The following SLC24A4 variants were observed in gnomAD, a reference collection of about 807,000 sequenced individuals.
The protein encoded by SLC24A4 is solute carrier family 24 member 4, also known as sodium/potassium/calcium exchanger 4.
Under a neutral mutation model 79.0 loss-of-function variants are expected in SLC24A4, and 53 were observed. That is an observed-to-expected ratio of 0.67 (90% CI 0.54 to 0.84). The LOEUF (loss-of-function observed/expected upper bound fraction) is 0.84, where lower values mean the gene tolerates loss of function less well. Ranked by LOEUF, SLC24A4 falls within the 40% of genes least tolerant of loss-of-function variation. SLC24A4 has a pLI of 0.00. For missense variants in SLC24A4, 731 were observed against 822.0 expected (o/e 0.89, Z 1.35); for synonymous variants, 323 against 323.8 (o/e 1.00, Z 0.03).
chr14:92,363,606 C>T (rs4904880), intron 2 of SLC24A4, among the ~76,000 whole-genome samples: 101,194 of 152,092 alleles, frequency 0.67, 36,629 homozygotes, highest in East Asian at 0.94. Flanking sequence ...CTGAGGCAGG[C>T]AGATCCCAAG....
chr14:92,419,264 A>G (rs898006276), intron 2 of SLC24A4, among the ~76,000 whole-genome samples: 2 of 152,174 alleles, frequency 1.3e-5, no homozygotes, highest in Admixed American at 6.5e-5. Flanking sequence ...GCCAGAGGTG[A>G]AGGGAGGTGT....
At position 92,456,554 on chromosome 14, in the gene SLC24A4, C is replaced by G. The variant is rs140679866; in HGVS notation, c.1201C>G (p.Pro401Ala). The change falls in exon 12 of 17, where the codon CCG (proline) becomes GCG (alanine). Residue 401 changes from proline to alanine, a missense_variant. Physicochemically the swap from Pro to Ala is conservative, Grantham distance 27 (BLOSUM62 -1). Transcript: ENST00000532405. ...QEQQPPPQPP[P>A]PEPEPVEADF... ...GCAGCAGCCGCCGCCACAGCCACCACCGCCAGAGCCAGAGCCGGTGGAGGC... is the reference window on the plus strand; with the variant it reads ...GCAGCAGCCGCCGCCACAGCCACCAGCGCCAGAGCCAGAGCCGGTGGAGGC... 1.2e-6 allele frequency: 2 copies of G among 1,612,978 alleles called. No homozygotes were observed. The highest frequency in any genetic ancestry group is 2.7e-5 in the African/African-American group (2 of 74,918).
In SLC24A4 at chr14:92,415,892, C is replaced by T. The variant is rs570533747; in HGVS notation, c.242-18020C>T. 3.3e-5 allele frequency among the ~76,000 whole-genome samples: 5 copies of T among 152,176 alleles called. No individual in the cohort carries two copies. In the East Asian group the frequency reaches 7.7e-4, roughly 23 times the overall value. ...TCACCCAAGCAGTACACACTGAACC[C>T]GATTTGTAACCTTTTATCCCTCACT... On this transcript the variant is annotated intron_variant, in intron 2 of 16. Coordinates refer to ENST00000532405, the MANE Select transcript of SLC24A4 (RefSeq NM_153646.4).
chr14:92,449,696 A>G (rs558913527), intron 10 of SLC24A4, among the ~76,000 whole-genome samples: 320 of 152,298 alleles, frequency 2.1e-3, no homozygotes, highest in Non-Finnish European at 3.3e-3. Flanking sequence ...CGGGCTGGGA[A>G]CTGTTGCCCG....
chr14:92,405,620 C>T (rs1890333495), intron 2 of SLC24A4, among the ~76,000 whole-genome samples: 1 of 152,030 alleles, frequency 6.6e-6, no homozygotes. Context: ...ACAATCATGG[C>T]AGAAGGTGAA....
At chr14:92,408,456 A>T in intron 2 of SLC24A4, 1 of 983,984 alleles carries the variant, frequency 1.0e-6, no homozygotes, top group Non-Finnish European at 1.2e-6. Flanking sequence ...TTACCTTGGA[A>T]GCCTTCATAG....
chr14:92,386,198 G>C (rs1332562880), intron 2 of SLC24A4, among the ~76,000 whole-genome samples: 1 of 151,962 alleles, frequency 6.6e-6, no homozygotes, highest in African/African-American at 2.4e-5. Context: ...CGGTGGGAGG[G>C]GATGCTTTGG....
intron 2 of SLC24A4, among the ~76,000 whole-genome samples, chr14:92,346,316 GC>G (rs1886524155): frequency 6.6e-6 from 1 of 152,162 alleles, no homozygotes; most frequent in African/African-American, 2.4e-5. Context: ...TTGTTTTGGA[GC>G]CTCAGTTTTT....
At chr14:92,361,924 G>A (rs1026210770) in intron 2 of SLC24A4, among the ~76,000 whole-genome samples, 14 of 152,252 alleles carry the variant, frequency 9.2e-5, no homozygotes, top group African/African-American at 2.6e-4. Flanking sequence ...ATCTCAAAGG[G>A]GAGGCAAAGA....
chr14:92,370,733 A>G (rs2141686155), intron 2 of SLC24A4, among the ~76,000 whole-genome samples: 1 of 152,348 alleles, frequency 6.6e-6, no homozygotes, highest in Non-Finnish European at 1.5e-5. Context: ...CTGGCTTTCC[A>G]AGTGACAAGC....
chr14:92,448,381 A>ACACACACACACACACACACACAC (rs1555371204), intron 9 of SLC24A4, among the ~76,000 whole-genome samples: 1 of 31,792 alleles, frequency 3.1e-5, no homozygotes, highest in Admixed American at 3.6e-4. Context: ...CACACACACA[A>ACACACACACACACACACACACAC]ATCCCTACTC....
chr14:92,348,811 A>G (rs1196264780), intron 2 of SLC24A4, among the ~76,000 whole-genome samples: 1 of 152,192 alleles, frequency 6.6e-6, no homozygotes. Flanking sequence ...CCTTCGGTGA[A>G]GGTTTTTTGG....
At chr14:92,436,510 C>T (rs1238051842) in intron 3 of SLC24A4, among the ~76,000 whole-genome samples, 1 of 152,168 alleles carries the variant, frequency 6.6e-6, no homozygotes, top group Non-Finnish European at 1.5e-5. Context: ...TTCACAACAG[C>T]AGAATAGTTG....
chr14:92,480,940 G>T (rs1895033916), intron 12 of SLC24A4, among the ~76,000 whole-genome samples: 1 of 152,078 alleles, frequency 6.6e-6, no homozygotes, highest in African/African-American at 2.4e-5. Context: ...ATTCTTTGTT[G>T]TGTGTGGCCA....
At chr14:92,447,472 G>A in intron 9 of SLC24A4, 48 bp downstream of exon 9, 1 of 1,527,046 alleles carries the variant, frequency 6.5e-7, no homozygotes, top group Non-Finnish European at 9.1e-7. Flanking sequence ...TTGCCCCACT[G>A]CCTGCTACAG....
chr14:92,330,504 C>G (rs1408240939), intron 2 of SLC24A4, among the ~76,000 whole-genome samples: 1 of 152,216 alleles, frequency 6.6e-6, no homozygotes, highest in African/African-American at 2.4e-5. Context: ...GGAAGCAGGT[C>G]TCTCCATGCC....
intron 2 of SLC24A4, among the ~76,000 whole-genome samples, chr14:92,393,704 C>T (rs1889617175): frequency 6.6e-6 from 1 of 151,314 alleles, no homozygotes; most frequent in Non-Finnish European, 1.5e-5. Flanking sequence ...CCATCATGTA[C>T]AGCTAATTAA....
chr14:92,481,345 A>T (rs945071327), intron 12 of SLC24A4, among the ~76,000 whole-genome samples: 1 of 152,186 alleles, frequency 6.6e-6, no homozygotes, highest in African/African-American at 2.4e-5. Context: ...CCCAGCTGTC[A>T]TCTGCCACTT....
rs71461968 is a variant in SLC24A4 at position 92,455,720 on chromosome 14, C to CTT, written c.1051-674_1051-673dup. On this transcript the variant is annotated intron_variant, in intron 11 of 16. Coordinates refer to ENST00000532405, the MANE Select transcript of SLC24A4 (RefSeq NM_153646.4). Reference sequence around the variant, plus strand: ...AATCTGTGCACTTAGTGTAAGTGTACTTTTTTTTTTTAGGACAGAGTCTTG... The same window carrying CTT: ...AATCTGTGCACTTAGTGTAAGTGTACTTTTTTTTTTTTTAGGACAGAGTCTTG... Among the ~76,000 whole-genome samples, 7 of 148,336 alleles carry CTT rather than the reference C, an allele frequency of 4.7e-5. No individual in the cohort carries two copies. The East Asian group carries it at 7.8e-4, about 17-fold the overall frequency.
Sources: gnomAD v4.1 joint callset for allele counts (sites outside exome capture counted in the v4.1 genomes callset) on GRCh38, gnomAD v4.1.1 for gene constraint, MANE v1.5 for transcripts, NCBI Gene and HGNC (gene_info 2026-07-23, HGNC 2026-07-21) for gene names.